MAPK10: variants seen among roughly 807,000 people sequenced by gnomAD.
MAPK10 encodes the protein mitogen-activated protein kinase 10, also known as JNK3 alpha protein kinase.
Under a neutral mutation model 59.3 loss-of-function variants are expected in MAPK10, and 25 were observed. The observed-to-expected ratio is 0.42, with a 90% CI of 0.31 to 0.59. The LOEUF (loss-of-function observed/expected upper bound fraction) is 0.59, where lower values mean the gene tolerates loss of function less well. MAPK10 is among the 20% of genes least tolerant of loss of function. The probability of loss-of-function intolerance (pLI) is 0.15; values close to 1 mark genes in which losing one functional copy is unlikely to be tolerated. For missense variants in MAPK10, 351 were observed against 568.9 expected (o/e 0.62, Z 3.90); for synonymous variants, 190 against 200.5 (o/e 0.95, Z 0.44).
chr4:86,068,903 T>G (rs2047236683), intron 9 of MAPK10, among the ~76,000 whole-genome samples: 1 of 152,150 alleles, frequency 6.6e-6, no homozygotes, highest in Admixed American at 6.5e-5. Context: ...TTAAACAGAT[T>G]TCCTCGCCAT....
intron 11 of MAPK10, among the ~76,000 whole-genome samples, chr4:86,055,689 T>A (rs926928938): frequency 6.7e-6 from 1 of 149,806 alleles, no homozygotes; most frequent in African/African-American, 2.5e-5. Flanking sequence ...TTTCTACCCA[T>A]GAAATGTTTT....
intron 2 of MAPK10, among the ~76,000 whole-genome samples, chr4:86,208,467 A>T (rs2084803510): frequency 6.7e-6 from 1 of 149,366 alleles, no homozygotes; most frequent in Non-Finnish European, 1.5e-5. Context: ...TCCAGCATAT[A>T]AACAGAGCCA....
intron 2 of MAPK10, among the ~76,000 whole-genome samples, chr4:86,230,806 T>C (rs1477427451): frequency 1.3e-5 from 2 of 152,212 alleles, no homozygotes; most frequent in Non-Finnish European, 2.9e-5. Flanking sequence ...CTGGTCAACA[T>C]TTAATCACCT....
intron 1 of MAPK10, among the ~76,000 whole-genome samples, chr4:86,368,928 G>A (rs921452330): frequency 3.2e-4 from 48 of 152,220 alleles, no homozygotes; most frequent in African/African-American, 1.1e-3. Flanking sequence ...GAACAATGAT[G>A]CTAATAGAAA....
At chr4:86,026,574 C>T (rs1750348398) in intron 13 of MAPK10, 1 of 152,092 alleles carries the variant, frequency 6.6e-6, no homozygotes, top group Non-Finnish European at 1.5e-5. Context: ...ATTTTAAAAG[C>T]ATCGCATAAC....
chr4:86,507,680 G>T (rs1336474280), intron 1 of MAPK10, among the ~76,000 whole-genome samples: 1 of 88,492 alleles, frequency 1.1e-5, no homozygotes, highest in Non-Finnish European at 2.2e-5. Flanking sequence ...ATAAAATCAT[G>T]TGTAAATTCC....
At chr4:86,299,565 T>G (rs1369971977) in intron 2 of MAPK10, among the ~76,000 whole-genome samples, 3 of 152,152 alleles carry the variant, frequency 2.0e-5, no homozygotes, top group Non-Finnish European at 4.4e-5. Context: ...CCTACTAAAC[T>G]GTGAGAAATA....
intron 1 of MAPK10, among the ~76,000 whole-genome samples, chr4:86,372,520 A>AAAAGAAAGAAAGAAAGAAAGAAAGAAAG (rs71598410): frequency 1.1e-5 from 1 of 90,006 alleles, no homozygotes. Flanking sequence ...CATCTCAAAC[A>AAAAGAAAGAAAGAAAGAAAGAAAGAAAG]AAAGAAAGAA....
chr4:86,436,619 C>T (rs1200165814), intron 1 of MAPK10, among the ~76,000 whole-genome samples: 2 of 152,068 alleles, frequency 1.3e-5, no homozygotes, highest in African/African-American at 4.8e-5. Context: ...TACCCAACAA[C>T]CTAGCTAAAT....
chr4:86,359,601 C>T, intron 1 of MAPK10, 57 bp downstream of exon 1: 1 of 838,496 alleles, frequency 1.2e-6, no homozygotes, highest in Non-Finnish European at 1.4e-6. Flanking sequence ...AATCAATAGA[C>T]ATCACCCCAC....
At chr4:86,405,266 T>A (rs911035032) in intron 1 of MAPK10, among the ~76,000 whole-genome samples, 1 of 152,206 alleles carries the variant, frequency 6.6e-6, no homozygotes, top group Non-Finnish European at 1.5e-5. Flanking sequence ...TTTATATAAT[T>A]TTATATAGCA....
intron 4 of MAPK10, among the ~76,000 whole-genome samples, chr4:86,150,047 C>G (rs1320434138): frequency 6.6e-6 from 1 of 151,986 alleles, no homozygotes; most frequent in Non-Finnish European, 1.5e-5. Flanking sequence ...GATGTGGAAC[C>G]AACGTAAGTG....
At chr4:86,371,644 A>G (rs1376677007) in intron 1 of MAPK10, among the ~76,000 whole-genome samples, 1 of 152,182 alleles carries the variant, frequency 6.6e-6, no homozygotes, top group African/African-American at 2.4e-5. Flanking sequence ...AGATCAATAC[A>G]GCATGCAGGT....
At chr4:86,323,093 G>T (rs1053158837) in intron 2 of MAPK10, among the ~76,000 whole-genome samples, 4 of 152,328 alleles carry the variant, frequency 2.6e-5, no homozygotes, top group Admixed American at 2.6e-4. Flanking sequence ...AGAATCTCTT[G>T]AACCTGGGAG....
intron 1 of MAPK10, among the ~76,000 whole-genome samples, chr4:86,385,626 A>C (rs1473155189): frequency 6.6e-6 from 1 of 152,226 alleles, no homozygotes; most frequent in Non-Finnish European, 1.5e-5. Context: ...ACTTCCCAAG[A>C]ATTTTAAAAT....
chr4:86,465,642 G>A (rs982631535), intron 1 of MAPK10, among the ~76,000 whole-genome samples: 1 of 152,190 alleles, frequency 6.6e-6, no homozygotes, highest in African/African-American at 2.4e-5. Flanking sequence ...TTGGGAAATA[G>A]GTAAAATAAT....
At chr4:86,313,538 T>C (rs1007848962) in intron 2 of MAPK10, among the ~76,000 whole-genome samples, 1 of 152,066 alleles carries the variant, frequency 6.6e-6, no homozygotes, top group African/African-American at 2.4e-5. Flanking sequence ...ACTCAGTTTT[T>C]TAAAAGTGGG....
At chr4:86,087,598 CTT>C (rs1465905594) in intron 9 of MAPK10, among the ~76,000 whole-genome samples, 2 of 134,286 alleles carry the variant, frequency 1.5e-5, no homozygotes, top group Non-Finnish European at 3.3e-5. Context: ...GACAGAAAGA[CTT>C]TTTAAAATGT....
At position 86,088,360 on chromosome 4, in the gene MAPK10, T is replaced by A. The variant is rs78254236; in HGVS notation, c.802+10164A>T. On this transcript the variant is annotated intron_variant, in intron 9 of 13. Coordinates refer to ENST00000641462, the MANE Select transcript of MAPK10 (RefSeq NM_138982.4). ...TGCCCGGCTAAATTTTTTATTTTTG[T>A]TTTTTGTAGAGACAAGGGTCTTGCT... Among the ~76,000 whole-genome samples the A allele has an allele frequency of 6.4e-3, 978 of 152,166 alleles. 12 individuals carry two copies. The highest frequency in any genetic ancestry group is 0.022 in the African/African-American group (931 of 41,516).
Sources: allele counts gnomAD v4.1 joint callset (sites outside exome capture counted in the v4.1 genomes callset), GRCh38; gene constraint gnomAD v4.1.1; transcripts MANE v1.5; gene names NCBI Gene and HGNC (gene_info 2026-07-23, HGNC 2026-07-21).